Variants in HS3ST3A1 observed in about 807,000 individuals in gnomAD.
HS3ST3A1 encodes heparan sulfate-glucosamine 3-sulfotransferase 3A1.
Under a neutral mutation model 25.7 loss-of-function variants are expected in HS3ST3A1, and 19 were observed. The observed-to-expected ratio is 0.74, with a 90% CI of 0.52 to 1.08. The LOEUF (loss-of-function observed/expected upper bound fraction) is 1.08. HS3ST3A1 is among the 50% of genes least tolerant of loss of function. HS3ST3A1 has a pLI of 0.00. For synonymous variants in HS3ST3A1, 226 were observed against 278.6 expected (o/e 0.81, Z 1.88); for missense variants, 459 against 594.3 (o/e 0.77, Z 2.37).
chr17:13,494,775 T>A lies in HS3ST3A1; in HGVS notation c.*1422A>T, dbSNP rs901533812. 6.6e-6 allele frequency among the ~76,000 whole-genome samples: 1 copy of A among 152,206 alleles called. No individual in the cohort carries two copies. The highest frequency in any genetic ancestry group is 1.5e-5 in the Non-Finnish European group (1 of 68,030). On this transcript the variant is annotated 3_prime_UTR_variant, in exon 2 of 2. Coordinates refer to ENST00000284110, the MANE Select transcript of HS3ST3A1 (RefSeq NM_006042.3). ...CCACTCAGAGAGGAAAGGAATACTG[T>A]TAATAAACTATTGATTTATTTGAGT...
At chr17:13,595,853 G>A (rs78563639) in intron 1 of HS3ST3A1, among the ~76,000 whole-genome samples, 1 of 33,730 alleles carries the variant, frequency 3.0e-5, no homozygotes, top group Non-Finnish European at 6.4e-5. Context: ...TTTGGTTGTT[G>A]TTGTTGTTGT....
chr17:13,574,879 G>C (rs1484376806), intron 1 of HS3ST3A1, among the ~76,000 whole-genome samples: 1 of 152,060 alleles, frequency 6.6e-6, no homozygotes, highest in Non-Finnish European at 1.5e-5. Flanking sequence ...CCCTTGCAAG[G>C]GGGGTCTGCT....
chr17:13,511,353 T>C (rs917038095), intron 1 of HS3ST3A1, among the ~76,000 whole-genome samples: 1 of 152,098 alleles, frequency 6.6e-6, no homozygotes, highest in Non-Finnish European at 1.5e-5. Flanking sequence ...TTGCAGCAGA[T>C]AGACACTGCT....
At chr17:13,557,776 T>A (rs1907421021) in intron 1 of HS3ST3A1, among the ~76,000 whole-genome samples, 1 of 152,156 alleles carries the variant, frequency 6.6e-6, no homozygotes. Flanking sequence ...AGCAGACAGG[T>A]TGAGATCAGA....
chr17:13,533,366 G>C (rs946496245), intron 1 of HS3ST3A1, among the ~76,000 whole-genome samples: 2 of 151,798 alleles, frequency 1.3e-5, no homozygotes, highest in African/African-American at 4.8e-5. Context: ...CAACCTTGAA[G>C]AAACAGAAAA....
At chr17:13,552,000 G>T (rs972465205) in intron 1 of HS3ST3A1, among the ~76,000 whole-genome samples, 1 of 152,184 alleles carries the variant, frequency 6.6e-6, no homozygotes, top group Non-Finnish European at 1.5e-5. Flanking sequence ...ACACTGATGG[G>T]CACTTACTGA....
intron 1 of HS3ST3A1, among the ~76,000 whole-genome samples, chr17:13,557,230 C>T (rs7224304): frequency 0.35 from 53,316 of 152,120 alleles, 11,919 homozygotes; most frequent in African/African-American, 0.64. Context: ...TGCTGAATCA[C>T]TTAATAAGAA....
At chr17:13,526,038 C>T (rs927362031) in intron 1 of HS3ST3A1, among the ~76,000 whole-genome samples, 1 of 151,964 alleles carries the variant, frequency 6.6e-6, no homozygotes, top group Admixed American at 6.5e-5. Flanking sequence ...GGATATCAGT[C>T]CTCCAGGCAC....
chr17:13,598,080 CTGGAATT>C (rs1019700745), intron 1 of HS3ST3A1, among the ~76,000 whole-genome samples: 3 of 152,150 alleles, frequency 2.0e-5, no homozygotes, highest in Admixed American at 2.0e-4. Flanking sequence ...GTGCAAATAT[CTGGAATT>C]TATTTCTGTT....
chr17:13,590,196 C>T (rs145960726), intron 1 of HS3ST3A1, among the ~76,000 whole-genome samples: 19 of 152,138 alleles, frequency 1.2e-4, no homozygotes, highest in African/African-American at 4.1e-4. Flanking sequence ...CAATCACACT[C>T]GATGGGTTAC....
chr17:13,523,795 T>C (rs886850840), intron 1 of HS3ST3A1, among the ~76,000 whole-genome samples: 3 of 152,222 alleles, frequency 2.0e-5, no homozygotes, highest in African/African-American at 7.2e-5. Flanking sequence ...AAATTCATTA[T>C]TGTAGAGTTA....
At chr17:13,535,277 T>C (rs1345331320) in intron 1 of HS3ST3A1, among the ~76,000 whole-genome samples, 2 of 152,190 alleles carry the variant, frequency 1.3e-5, no homozygotes, top group African/African-American at 2.4e-5. Context: ...TGTTAACATA[T>C]GTATTTTCCC....
At chr17:13,532,530 A>G (rs1443981840) in intron 1 of HS3ST3A1, among the ~76,000 whole-genome samples, 3 of 152,126 alleles carry the variant, frequency 2.0e-5, no homozygotes, top group Non-Finnish European at 4.4e-5. Flanking sequence ...CAATATCGTG[A>G]GGAAATGAGT....
chr17:13,514,361 T>C (rs1033486025), intron 1 of HS3ST3A1, among the ~76,000 whole-genome samples: 11 of 152,196 alleles, frequency 7.2e-5, no homozygotes, highest in African/African-American at 2.7e-4. Context: ...AATAAATAAA[T>C]ATCCATCTTT....
chr17:13,586,897 A>G (rs1908289561), intron 1 of HS3ST3A1, among the ~76,000 whole-genome samples: 1 of 124,474 alleles, frequency 8.0e-6, no homozygotes, highest in Non-Finnish European at 1.7e-5. Context: ...AAAAAAAAAA[A>G]GGCATACTAG....
At chr17:13,557,993 C>T (rs1434258088) in intron 1 of HS3ST3A1, among the ~76,000 whole-genome samples, 2 of 152,172 alleles carry the variant, frequency 1.3e-5, no homozygotes, top group African/African-American at 2.4e-5. Flanking sequence ...GGTCTAAGGC[C>T]TTTACTTAAC....
chr17:13,561,932 C>T (rs1317365258), intron 1 of HS3ST3A1, among the ~76,000 whole-genome samples: 1 of 151,936 alleles, frequency 6.6e-6, no homozygotes, highest in African/African-American at 2.4e-5. Context: ...GTGCTGAAGG[C>T]GGCTTCCTCA....
At chr17:13,581,191 C>T (rs573891897) in intron 1 of HS3ST3A1, among the ~76,000 whole-genome samples, 18 of 152,058 alleles carry the variant, frequency 1.2e-4, no homozygotes, top group Admixed American at 1.2e-3. Context: ...CTATCATATA[C>T]ATTTATATAT....
intron 1 of HS3ST3A1, among the ~76,000 whole-genome samples, chr17:13,569,450 AG>A (rs1907750365): frequency 6.6e-6 from 1 of 152,184 alleles, no homozygotes; most frequent in South Asian, 2.1e-4. Context: ...ATGTGAACAG[AG>A]GCTAGGCATC....
Sources: allele counts gnomAD v4.1 joint callset (sites outside exome capture counted in the v4.1 genomes callset), GRCh38; gene constraint gnomAD v4.1.1; transcripts MANE v1.5; gene names NCBI Gene and HGNC (gene_info 2026-07-23, HGNC 2026-07-21).